RUFY1: variants seen among roughly 807,000 people sequenced by gnomAD.
The protein encoded by RUFY1 is RUN and FYVE domain containing 1, also known as RUN and FYVE domain-containing protein 1.
RUFY1 carries 54 observed loss-of-function variants against 94.6 expected under a neutral mutation model. That is an observed-to-expected ratio of 0.57 (90% CI 0.46 to 0.72). The LOEUF is 0.72. RUFY1 is among the 30% of genes least tolerant of loss of function. The pLI is 0.00. For synonymous variants in RUFY1, 396 were observed against 347.3 expected (o/e 1.14, Z -1.56); for missense variants, 883 against 883.9 (o/e 1.00, Z 0.01).
chr5:179,591,928 T>C (rs1413971347), intron 10 of RUFY1, among the ~76,000 whole-genome samples, 187 bp downstream of exon 10: 1 of 152,198 alleles, frequency 6.6e-6, no homozygotes, highest in African/African-American at 2.4e-5. Flanking sequence ...TTTTTCCCAT[T>C]TTATAAATAT....
chr5:179,569,310 A>G lies in RUFY1; in HGVS notation c.713A>G (p.Tyr238Cys), dbSNP rs1217272255. 1.2e-6 allele frequency: 2 copies of G among 1,613,752 alleles called. No individual in the cohort carries two copies. Among genetic ancestry groups the G allele is most frequent in the Non-Finnish European group, 1.7e-6 (2 of 1,179,992 alleles). The change falls in exon 5 of 18, where the codon TAT (tyrosine) becomes TGT (cysteine). Residue 238 changes from tyrosine to cysteine, a missense_variant. Tyr to Cys is a radical substitution (Grantham distance 194). Coordinates refer to ENST00000319449, the MANE Select transcript of RUFY1 (RefSeq NM_025158.5). ...IDNKHLLSEF[Y>C]EPEALMMEEE... ...CTGTCCATCTCTTTCAGCGAGTTCT[A>G]TGAGCCTGAGGCTTTAATGATGGAG...
At chr5:179,592,437 A>G (rs1765197156) in intron 10 of RUFY1, among the ~76,000 whole-genome samples, 1 of 151,944 alleles carries the variant, frequency 6.6e-6, no homozygotes, top group Admixed American at 6.6e-5. Flanking sequence ...TATTTTTAGT[A>G]GAAACGGAGT....
intron 7 of RUFY1, among the ~76,000 whole-genome samples, chr5:179,582,330 A>C (rs575210567): frequency 3.1e-4 from 47 of 152,114 alleles, no homozygotes; most frequent in African/African-American, 1.1e-3. Context: ...GGCTCCGGTG[A>C]TTTGCCCACC....
At chr5:179,591,226 C>A (rs563646117) in intron 9 of RUFY1, among the ~76,000 whole-genome samples, 25 of 152,032 alleles carry the variant, frequency 1.6e-4, no homozygotes, top group African/African-American at 5.8e-4. Flanking sequence ...GCCCTGTCGC[C>A]CAGGCTGGAG....
At chr5:179,607,072 G>C (rs894976829) in intron 16 of RUFY1, 4 of 162,130 alleles carry the variant, frequency 2.5e-5, no homozygotes, top group African/African-American at 4.8e-5. Flanking sequence ...CCCGCATGGA[G>C]AAGGGCTTCC....
In RUFY1 at chr5:179,550,582, GA is replaced by G; in HGVS notation, c.15del (p.Gly6AlafsTer62). The G allele has an allele frequency of 9.1e-7, 1 of 1,101,658 alleles. No individual in the cohort carries two copies. The allele number at this position is 1,101,658 out of a possible 1,614,324, so 68.2% of individuals were successfully genotyped here. On this transcript the variant is annotated frameshift_variant, in exon 1 of 18. Transcript: ENST00000319449. LOFTEE classifies it high-confidence loss of function. MADR[E>X]GGCAAGRGRE... Reference sequence around the variant, plus strand: ...TGACACGGCCAAGATGGCCGACCGGGAAGGCGGCTGCGCTGCTGGGCGGGGG... The same window carrying G: ...TGACACGGCCAAGATGGCCGACCGGGAGGCGGCTGCGCTGCTGGGCGGGGG...
chr5:179,596,947 C>T, intron 13 of RUFY1: 1 of 413,862 alleles, frequency 2.4e-6, no homozygotes, highest in Non-Finnish European at 4.3e-6. Flanking sequence ...CCTGTATCAC[C>T]CTTAACCACC....
intron 17 of RUFY1, among the ~76,000 whole-genome samples, chr5:179,609,054 C>A (rs1767423698): frequency 4.0e-5 from 6 of 151,768 alleles, no homozygotes; most frequent in African/African-American, 1.5e-4. Context: ...CCCGTCTCTA[C>A]TAAAAATACA....
At chr5:179,577,786 G>A (rs1763764093) in intron 6 of RUFY1, among the ~76,000 whole-genome samples, 1 of 150,482 alleles carries the variant, frequency 6.6e-6, no homozygotes, top group East Asian at 1.9e-4. Context: ...CGGTGGGAGC[G>A]CCGGAGTTGG....
chr5:179,580,869 T>C (rs1225315192), intron 6 of RUFY1, 78 bp from the exon 7 acceptor site: 10 of 780,476 alleles, frequency 1.3e-5, no homozygotes, highest in African/African-American at 5.2e-5. Context: ...TACAAGGTGA[T>C]TGGAATATTG....
At chr5:179,580,249 T>TTC (rs1562022278) in intron 6 of RUFY1, among the ~76,000 whole-genome samples, 1 of 34,786 alleles carries the variant, frequency 2.9e-5, no homozygotes. Context: ...GTGTATATTT[T>TTC]TTTTTTTTTT....
At chr5:179,602,693 T>G (rs1460850260) in intron 15 of RUFY1, 1 of 152,326 alleles carries the variant, frequency 6.6e-6, no homozygotes, top group African/African-American at 2.4e-5. Context: ...TCAAAGTGGC[T>G]TAAGCAAAAG....
intron 1 of RUFY1, among the ~76,000 whole-genome samples, chr5:179,559,094 C>T (rs1455694425): frequency 2.0e-5 from 3 of 151,998 alleles, no homozygotes; most frequent in Non-Finnish European, 2.9e-5. Context: ...ATTTCCAAGA[C>T]AATGTAAACG....
chr5:179,589,435 T>C, intron 8 of RUFY1, 111 bp from the exon 9 acceptor site: 1 of 694,524 alleles, frequency 1.4e-6, no homozygotes. Context: ...AAATAAAATA[T>C]CAAACCTGTG....
Position 179,567,554 on chromosome 5 carries a change from T to C in RUFY1, c.696T>C (p.His232=), listed in dbSNP as rs761617424. Residue 232 remains histidine (H), a synonymous_variant, in exon 4 of 18, where the codon CAT becomes CAC. Transcript: ENST00000319449. ...DYLKVLIDNK[H]LLSEFYEPEA... ...TGAAAGTGCTTATAGACAATAAACA[T>C]CTCTTAAGGTATTTCATCAACCATG... The C allele has an allele frequency of 6.3e-7, 1 of 1,599,292 alleles. No individual in the cohort carries two copies. The highest frequency in any genetic ancestry group is 1.1e-5 in the South Asian group (1 of 90,806).
intron 3 of RUFY1, among the ~76,000 whole-genome samples, chr5:179,564,188 C>T (rs958019208): frequency 4.1e-5 from 6 of 146,600 alleles, no homozygotes; most frequent in African/African-American, 1.0e-4. Context: ...GGCGTGATCT[C>T]GGCTCACTGC....
intron 3 of RUFY1, among the ~76,000 whole-genome samples, chr5:179,567,034 A>C (rs1762879449): frequency 6.6e-6 from 1 of 152,222 alleles, no homozygotes; most frequent in Admixed American, 6.5e-5. Context: ...AGCCTGGGCA[A>C]CAGGCAAGAC....
At chr5:179,569,563 G>T (rs1763068797) in intron 5 of RUFY1, 138 bp downstream of exon 5, 7 of 860,132 alleles carry the variant, frequency 8.1e-6, no homozygotes, top group Non-Finnish European at 1.3e-5. Flanking sequence ...GATGCAGCTG[G>T]GGAAGGTCTC....
rs1387584076 is a variant in RUFY1 at position 179,572,163 on chromosome 5, C to G, written c.828+2738C>G. The G allele has an allele frequency of 2.0e-5, 6 of 293,812 alleles. No homozygotes were observed. The Admixed American group carries it at 2.8e-4, about 14-fold the overall frequency. 18.2% of individuals were successfully genotyped at this position (293,812 alleles called of 1,614,324 possible). A position where few individuals can be genotyped will look rare whatever the true frequency, so the allele number is the denominator to read the frequency against. On this transcript the variant is annotated intron_variant, in intron 5 of 17. Transcript: ENST00000319449. ...CCGCCACAGCTTTCAGTCATGGCTT[C>G]CAGTCAGTCGCAGCTCGGAAAGCCA...
Sources: gnomAD v4.1 joint callset for allele counts (sites outside exome capture counted in the v4.1 genomes callset) on GRCh38, gnomAD v4.1.1 for gene constraint, MANE v1.5 for transcripts, NCBI Gene and HGNC (gene_info 2026-07-23, HGNC 2026-07-21) for gene names.